The following CENPP variants were observed in gnomAD, a reference collection of about 807,000 sequenced individuals.
The protein encoded by CENPP is centromere protein P.
Under a neutral mutation model 35.6 loss-of-function variants are expected in CENPP, and 24 were observed. The observed-to-expected ratio is 0.67, with a 90% CI of 0.49 to 0.95. The LOEUF is 0.95. Among genes scored for constraint, CENPP ranks in the 40% least tolerant of loss-of-function variants. The probability of loss-of-function intolerance (pLI) is 0.00; values close to 1 mark genes in which losing one functional copy is unlikely to be tolerated. For synonymous variants in CENPP, 120 were observed against 125.5 expected, an observed-to-expected ratio of 0.96 and a Z score of 0.29; for missense variants, 332 against 345.3, an observed-to-expected ratio of 0.96 and a Z score of 0.31.
chr9:92,367,479 A>G (rs1841915227), intron 4 of CENPP, among the ~76,000 whole-genome samples: 1 of 151,966 alleles, frequency 6.6e-6, no homozygotes, highest in African/African-American at 2.4e-5. Flanking sequence ...TGGAGGAAAC[A>G]TTTAAAAATG....
At chr9:92,537,737 A>C (rs547033476) in intron 5 of CENPP, among the ~76,000 whole-genome samples, 4 of 152,228 alleles carry the variant, frequency 2.6e-5, no homozygotes, top group Non-Finnish European at 5.9e-5. Flanking sequence ...ATAGAAGAGG[A>C]AATGTCAGTG....
chr9:92,538,307 A>G (rs551627691), intron 5 of CENPP, among the ~76,000 whole-genome samples: 7 of 152,320 alleles, frequency 4.6e-5, no homozygotes, highest in African/African-American at 1.7e-4. Context: ...GATTTTCAAA[A>G]CTGTACATGT....
chr9:92,431,095 G>C (rs1844097204), intron 5 of CENPP, among the ~76,000 whole-genome samples: 1 of 152,038 alleles, frequency 6.6e-6, no homozygotes. Context: ...CGCCTGGCCA[G>C]TTTCTTTATT....
At chr9:92,359,438 A>G (rs2130829973) in intron 4 of CENPP, among the ~76,000 whole-genome samples, 1 of 152,212 alleles carries the variant, frequency 6.6e-6, no homozygotes, top group East Asian at 1.9e-4. Flanking sequence ...TCTCTGTGCC[A>G]GGGATTAACC....
Position 92,512,639 on chromosome 9 carries a change from G to A in CENPP, c.565-98675G>A, listed in dbSNP as rs185139283. On this transcript the variant is annotated intron_variant, in intron 5 of 7. Coordinates refer to ENST00000375587, the MANE Select transcript of CENPP (RefSeq NM_001012267.3). ...TCTCCCAGACTCTCTCAGATCTAAT[G>A]TTATGCCTCTACGGCTTCAATCTAC... 2.6e-5 allele frequency among the ~76,000 whole-genome samples: 4 copies of A among 152,252 alleles called. No homozygotes were observed. In the East Asian group the frequency reaches 7.7e-4, roughly 29 times the overall value.
intron 5 of CENPP, among the ~76,000 whole-genome samples, chr9:92,590,967 G>A (rs891934740): frequency 2.0e-5 from 3 of 152,158 alleles, no homozygotes; most frequent in Admixed American, 1.3e-4. Flanking sequence ...AACAATTGAA[G>A]TTTTGAATAA....
chr9:92,523,297 TTC>T (rs1848191709), intron 5 of CENPP, among the ~76,000 whole-genome samples: 1 of 152,198 alleles, frequency 6.6e-6, no homozygotes, highest in African/African-American at 2.4e-5. Context: ...AGAAACCTTT[TTC>T]TATAAAGGGC....
At chr9:92,415,952 C>T (rs931561348) in intron 5 of CENPP, among the ~76,000 whole-genome samples, 4 of 140,578 alleles carry the variant, frequency 2.8e-5, no homozygotes, top group East Asian at 2.0e-4. Context: ...ACTCAGAATA[C>T]GCTCTGTATA....
At position 92,347,577 on chromosome 9, in the gene CENPP, C is replaced by T. The variant is rs186659899; in HGVS notation, c.467+1790C>T. Among the ~76,000 whole-genome samples, 25 of 152,206 alleles carry T rather than the reference C, an allele frequency of 1.6e-4. No homozygotes were observed. The East Asian group carries it at 4.6e-3, about 28-fold the overall frequency. ...TGTTATGCAATTTAAATGTTATATG[C>T]CTAATTATGAATTTATTTTTAGTTT... On this transcript the variant is annotated intron_variant, in intron 4 of 7. Transcript: ENST00000375587.
intron 5 of CENPP, among the ~76,000 whole-genome samples, chr9:92,587,562 T>C (rs1850571062): frequency 6.6e-6 from 1 of 152,172 alleles, no homozygotes; most frequent in African/African-American, 2.4e-5. Context: ...TGATGAACCT[T>C]GAAAATTGTA....
intron 5 of CENPP, among the ~76,000 whole-genome samples, chr9:92,418,365 G>A (rs2130962843): frequency 6.6e-6 from 1 of 151,972 alleles, no homozygotes; most frequent in South Asian, 2.1e-4. Context: ...GGGATTACAG[G>A]CGTGAGCCAC....
chr9:92,399,118 G>C (rs1025767791), intron 5 of CENPP, among the ~76,000 whole-genome samples: 4 of 150,476 alleles, frequency 2.7e-5, no homozygotes, highest in African/African-American at 9.7e-5. Flanking sequence ...TTTTTATTTT[G>C]TTAGATATTG....
At chr9:92,332,394 C>T (rs2130779108) in intron 2 of CENPP, 43 bp downstream of exon 2, 1 of 1,281,952 alleles carries the variant, frequency 7.8e-7, no homozygotes, top group East Asian at 2.6e-5. Flanking sequence ...GGAAGCTTAC[C>T]TTATTATGCA....
intron 4 of CENPP, among the ~76,000 whole-genome samples, chr9:92,349,926 C>T (rs1348987203): frequency 1.3e-5 from 2 of 152,038 alleles, no homozygotes; most frequent in Admixed American, 6.6e-5. Flanking sequence ...GGTACATAAC[C>T]AGAAGTGGAA....
intron 5 of CENPP, chr9:92,386,218 G>T (rs746698305): frequency 1.2e-6 from 2 of 1,608,622 alleles, no homozygotes; most frequent in South Asian, 1.1e-5. Flanking sequence ...TGAATTACAC[G>T]TAGACTTTCT....
At chr9:92,546,615 G>A (rs900442785) in intron 5 of CENPP, among the ~76,000 whole-genome samples, 2 of 152,050 alleles carry the variant, frequency 1.3e-5, no homozygotes, top group African/African-American at 2.4e-5. Context: ...CGAACACACT[G>A]GAACACCAGA....
chr9:92,478,775 A>G (rs1449949860), intron 5 of CENPP, among the ~76,000 whole-genome samples: 1 of 152,086 alleles, frequency 6.6e-6, no homozygotes, highest in Non-Finnish European at 1.5e-5. Flanking sequence ...GTTTTTTCCC[A>G]TAGAATCTTT....
chr9:92,421,231 G>C (rs1843783095), intron 5 of CENPP, among the ~76,000 whole-genome samples: 1 of 152,044 alleles, frequency 6.6e-6, no homozygotes, highest in African/African-American at 2.4e-5. Flanking sequence ...GTAAAGACAG[G>C]GTTTTGCCAT....
At chr9:92,449,596 C>G (rs559209106) in intron 5 of CENPP, among the ~76,000 whole-genome samples, 1 of 151,952 alleles carries the variant, frequency 6.6e-6, no homozygotes, top group African/African-American at 2.4e-5. Flanking sequence ...ATCTGTGTTC[C>G]CACCCAAATC....
Sources: gnomAD v4.1 joint callset for allele counts (sites outside exome capture counted in the v4.1 genomes callset) on GRCh38, gnomAD v4.1.1 for gene constraint, MANE v1.5 for transcripts, NCBI Gene and HGNC (gene_info 2026-07-23, HGNC 2026-07-21) for gene names.